The following CFDP1 variants were observed in gnomAD, a reference collection of about 807,000 sequenced individuals.
CFDP1 encodes the protein chromatin remodeling protein CFDP1.
In CFDP1, 31 loss-of-function variants were observed where a neutral mutation model predicts 40.1. The ratio of observed to expected loss-of-function variants is 0.77; its 90% CI spans 0.58 to 1.04. The LOEUF is 1.04. Ranked by LOEUF, CFDP1 falls within the 50% of genes least tolerant of loss-of-function variation. The pLI is 0.00. For missense variants in CFDP1, 423 were observed against 343.4 expected, an observed-to-expected ratio of 1.23 and a Z score of -1.83; for synonymous variants, 167 against 120.0, an observed-to-expected ratio of 1.39 and a Z score of -2.56.
intron 5 of CFDP1, among the ~76,000 whole-genome samples, chr16:75,333,894 A>G (rs2078466125): frequency 6.6e-6 from 1 of 152,188 alleles, no homozygotes; most frequent in Non-Finnish European, 1.5e-5. Context: ...TCCACAAGCG[A>G]TTCAAAAATA....
intron 5 of CFDP1, among the ~76,000 whole-genome samples, chr16:75,356,767 A>G (rs1260404667): frequency 6.6e-6 from 1 of 152,180 alleles, no homozygotes; most frequent in Non-Finnish European, 1.5e-5. Context: ...AGGCTGTTTC[A>G]TTTACACTGA....
intron 6 of CFDP1, among the ~76,000 whole-genome samples, chr16:75,298,294 A>C (rs1347373572): frequency 6.6e-6 from 1 of 152,198 alleles, no homozygotes; most frequent in Non-Finnish European, 1.5e-5. Flanking sequence ...CTGGGAACCC[A>C]CCCTGCAGGA....
At chr16:75,395,469 G>C (rs1292959725) in intron 4 of CFDP1, among the ~76,000 whole-genome samples, 1 of 151,886 alleles carries the variant, frequency 6.6e-6, no homozygotes, top group African/African-American at 2.4e-5. Context: ...AACTATCCTG[G>C]CCAACATGGT....
chr16:75,324,277 G>A (rs906064159), intron 5 of CFDP1, among the ~76,000 whole-genome samples: 4 of 152,096 alleles, frequency 2.6e-5, no homozygotes, highest in Admixed American at 2.0e-4. Flanking sequence ...CCAGGGGGAC[G>A]AGCTGGGATA....
chr16:75,387,608 A>G (rs2078910394), intron 5 of CFDP1, among the ~76,000 whole-genome samples: 1 of 152,186 alleles, frequency 6.6e-6, no homozygotes, highest in Non-Finnish European at 1.5e-5. Flanking sequence ...ACAAATGGCC[A>G]CCAGAAGAAA....
At chr16:75,349,426 C>G (rs533731404) in intron 5 of CFDP1, among the ~76,000 whole-genome samples, 251 of 151,190 alleles carry the variant, frequency 1.7e-3, no homozygotes, top group Non-Finnish European at 2.6e-3. Context: ...AGGAGAATCA[C>G]TTGAACCCGG....
chr16:75,303,801 T>C (rs1394878615), intron 6 of CFDP1, among the ~76,000 whole-genome samples: 1 of 152,216 alleles, frequency 6.6e-6, no homozygotes, highest in Non-Finnish European at 1.5e-5. Flanking sequence ...ATAGTGAGGA[T>C]GGTATCGTTA....
intron 5 of CFDP1, among the ~76,000 whole-genome samples, chr16:75,374,644 C>T (rs1399806693): frequency 6.6e-6 from 1 of 151,502 alleles, no homozygotes; most frequent in Non-Finnish European, 1.5e-5. Flanking sequence ...TAGTGAGACC[C>T]CATCTCTTAA....
Position 75,390,328 on chromosome 16 carries a change from T to C in CFDP1, c.650+4762A>G, listed in dbSNP as rs377708174. 7.9e-4 allele frequency among the ~76,000 whole-genome samples: 121 copies of C among 152,346 alleles called. 1 individual carries two copies. Among genetic ancestry groups the C allele is most frequent in the African/African-American group, 1.7e-3 (72 of 41,586 alleles). On this transcript the variant is annotated intron_variant, in intron 5 of 6. Coordinates refer to ENST00000283882, the MANE Select transcript of CFDP1 (RefSeq NM_006324.3). ...CCCTCTTCTCAACTAAGGCTTGAAATTGGCCCCTGCCCTTGCTGGCCTGCA... is the reference window on the plus strand; with the variant it reads ...CCCTCTTCTCAACTAAGGCTTGAAACTGGCCCCTGCCCTTGCTGGCCTGCA...
chr16:75,402,797 A>G (rs1328188723), intron 4 of CFDP1, among the ~76,000 whole-genome samples: 2 of 152,306 alleles, frequency 1.3e-5, no homozygotes, highest in East Asian at 3.9e-4. Context: ...TATAATGCCT[A>G]AATTTAAGTA....
At chr16:75,346,509 G>T (rs991211393) in intron 5 of CFDP1, among the ~76,000 whole-genome samples, 3 of 147,630 alleles carry the variant, frequency 2.0e-5, no homozygotes, top group African/African-American at 7.6e-5. Context: ...CGTGAACCTG[G>T]GAGACGGAGC....
intron 1 of CFDP1, among the ~76,000 whole-genome samples, chr16:75,428,814 A>C (rs528158707): frequency 2.6e-5 from 4 of 152,120 alleles, no homozygotes; most frequent in Non-Finnish European, 4.4e-5. Flanking sequence ...TATCATGGTG[A>C]CATATTAGAA....
chr16:75,410,820 A>C (rs1024334550), intron 4 of CFDP1, among the ~76,000 whole-genome samples: 41 of 151,040 alleles, frequency 2.7e-4, no homozygotes, highest in Non-Finnish European at 4.4e-4. Context: ...GAGACAGGAG[A>C]ATGGCGTGAA....
intron 4 of CFDP1, among the ~76,000 whole-genome samples, chr16:75,398,154 T>C (rs934758503): frequency 6.6e-6 from 1 of 152,244 alleles, no homozygotes; most frequent in South Asian, 2.1e-4. Flanking sequence ...ATGCTTATCA[T>C]TGTACATCAC....
At chr16:75,416,450 T>A (rs2079206383) in intron 1 of CFDP1, among the ~76,000 whole-genome samples, 2 of 136,034 alleles carry the variant, frequency 1.5e-5, no homozygotes, top group African/African-American at 2.7e-5. Flanking sequence ...ACTAAAACAA[T>A]GATAAAAGAG....
At chr16:75,424,524 G>A (rs1170432560) in intron 1 of CFDP1, among the ~76,000 whole-genome samples, 3 of 152,174 alleles carry the variant, frequency 2.0e-5, no homozygotes, top group Admixed American at 2.0e-4. Context: ...GGGAGGCTGA[G>A]GCGGGCGGAT....
chr16:75,376,301 A>C (rs559063069), intron 5 of CFDP1, among the ~76,000 whole-genome samples: 2 of 152,342 alleles, frequency 1.3e-5, no homozygotes, highest in East Asian at 3.9e-4. Context: ...TAGGTACCCA[A>C]GATAAATAAA....
intron 5 of CFDP1, among the ~76,000 whole-genome samples, chr16:75,355,814 C>T (rs1360028251): frequency 6.6e-6 from 1 of 152,204 alleles, no homozygotes. Context: ...TCCGCCATGA[C>T]TGTAAGTTTC....
intron 6 of CFDP1, among the ~76,000 whole-genome samples, chr16:75,300,157 T>C (rs1404565610): frequency 6.6e-6 from 1 of 152,184 alleles, no homozygotes; most frequent in Admixed American, 6.5e-5. Context: ...GCGGAGCAGA[T>C]GTCTGCGGCC....
Sources: allele counts gnomAD v4.1 joint callset (sites outside exome capture counted in the v4.1 genomes callset), GRCh38; gene constraint gnomAD v4.1.1; transcripts MANE v1.5; gene names NCBI Gene and HGNC (gene_info 2026-07-23, HGNC 2026-07-21).